Variants in TNFAIP8L3 observed in about 807,000 individuals in gnomAD.
TNFAIP8L3 encodes the protein tumor necrosis factor alpha-induced protein 8-like protein 3.
TNFAIP8L3 carries 7 observed loss-of-function variants against 11.8 expected under a neutral mutation model. The ratio of observed to expected loss-of-function variants is 0.59; its 90% CI spans 0.34 to 1.11. TNFAIP8L3 has a LOEUF of 1.11. Among genes scored for constraint, TNFAIP8L3 ranks in the 50% most tolerant of loss-of-function variants. TNFAIP8L3 has a pLI of 0.03. For missense variants in TNFAIP8L3, 219 were observed against 258.6 expected (o/e 0.85, Z 1.05); for synonymous variants, 98 against 103.8 (o/e 0.94, Z 0.34).
intron 1 of TNFAIP8L3, among the ~76,000 whole-genome samples, chr15:51,090,848 T>C (rs778274132): frequency 5.3e-5 from 8 of 152,154 alleles, no homozygotes; most frequent in Admixed American, 1.3e-4. Flanking sequence ...ATCAGCTTGA[T>C]TGCCCTGGAC....
intron 1 of TNFAIP8L3, among the ~76,000 whole-genome samples, chr15:51,101,342 C>T (rs1013453759): frequency 2.6e-5 from 4 of 152,120 alleles, no homozygotes; most frequent in African/African-American, 4.8e-5. Flanking sequence ...TAAAATAGTG[C>T]GGGGCGTGGT....
chr15:51,088,547 C>T (rs2065445794), intron 1 of TNFAIP8L3, among the ~76,000 whole-genome samples: 1 of 152,170 alleles, frequency 6.6e-6, no homozygotes, highest in South Asian at 2.1e-4. Flanking sequence ...CAGCACCTGG[C>T]ACCACTCTGA....
upstream of TNFAIP8L3, among the ~76,000 whole-genome samples, chr15:51,097,602 C>T (rs890606124): frequency 3.9e-5 from 6 of 152,186 alleles, no homozygotes; most frequent in Admixed American, 2.0e-4. Flanking sequence ...AACAAGGTCT[C>T]GATTCCAATT....
intron 1 of TNFAIP8L3, among the ~76,000 whole-genome samples, chr15:51,083,140 G>C (rs2065404110): frequency 6.6e-6 from 1 of 152,100 alleles, no homozygotes; most frequent in Non-Finnish European, 1.5e-5. Context: ...GAGGCTAGAG[G>C]GGAGTAAGGG....
chr15:51,099,828 C>T (rs1214471007), upstream of TNFAIP8L3, among the ~76,000 whole-genome samples: 1 of 152,200 alleles, frequency 6.6e-6, no homozygotes, highest in East Asian at 1.9e-4. Context: ...CATGAGGTTT[C>T]AGCGGCAACT....
At chr15:51,060,797 G>A (rs1016906244) in intron 1 of TNFAIP8L3, among the ~76,000 whole-genome samples, 2 of 152,170 alleles carry the variant, frequency 1.3e-5, no homozygotes, top group Non-Finnish European at 2.9e-5. Flanking sequence ...ATTCTGCTCT[G>A]GACCAGTTGT....
At chr15:51,069,752 C>G (rs895957927) in intron 1 of TNFAIP8L3, among the ~76,000 whole-genome samples, 7 of 152,326 alleles carry the variant, frequency 4.6e-5, no homozygotes, top group Admixed American at 3.3e-4. Context: ...GATGAGGAAA[C>G]TGAGGCACAG....
chr15:51,097,854 T>TA (rs1555469078), upstream of TNFAIP8L3, among the ~76,000 whole-genome samples: 1 of 151,050 alleles, frequency 6.6e-6, no homozygotes, highest in Non-Finnish European at 1.5e-5. Flanking sequence ...ATATTTCTTG[T>TA]GGGGGGGGAA....
rs2065211981 is a variant in TNFAIP8L3, at chr15:51,057,255, T to G, written c.*626A>C. 6.6e-6 allele frequency: 1 copy of G among 152,210 alleles called. No individual in the cohort carries two copies. Among genetic ancestry groups the G allele is most frequent in the Non-Finnish European group, 1.5e-5 (1 of 68,064 alleles). 9.4% of individuals were successfully genotyped at this position (152,210 alleles called of 1,614,324 possible). ...ACATTTTTCCAATTTGCAGCTATAC[T>G]TTTTCACACCTTTGGATTTCACTTT... On this transcript the variant is annotated 3_prime_UTR_variant, in exon 2 of 2. Transcript: ENST00000637513.
chr15:51,076,601 C>T (rs2065351894), intron 1 of TNFAIP8L3, among the ~76,000 whole-genome samples: 2 of 152,196 alleles, frequency 1.3e-5, no homozygotes, highest in African/African-American at 4.8e-5. Flanking sequence ...AATGGCTGTC[C>T]TGCACAATCA....
intron 1 of TNFAIP8L3, among the ~76,000 whole-genome samples, chr15:51,104,407 C>T (rs1383915354): frequency 6.6e-6 from 1 of 152,228 alleles, no homozygotes; most frequent in African/African-American, 2.4e-5. Flanking sequence ...TCCCCACTCA[C>T]AGGAGAGTCC....
chr15:51,081,729 A>T (rs2065393798), intron 1 of TNFAIP8L3, among the ~76,000 whole-genome samples: 1 of 152,216 alleles, frequency 6.6e-6, no homozygotes. Context: ...CCATTCCCTG[A>T]GTCTCGGCAC....
chr15:51,091,854 CTA>C (rs987302059), intron 1 of TNFAIP8L3, among the ~76,000 whole-genome samples: 17 of 152,148 alleles, frequency 1.1e-4, no homozygotes, highest in African/African-American at 4.1e-4. Context: ...TTTTAAAACA[CTA>C]GAGTTCATTA....
At chr15:51,072,737 A>G (rs1006276193) in intron 1 of TNFAIP8L3, among the ~76,000 whole-genome samples, 8 of 151,978 alleles carry the variant, frequency 5.3e-5, no homozygotes, top group African/African-American at 1.9e-4. Flanking sequence ...TCAGGTTTCT[A>G]TATTGCATAG....
At chr15:51,066,324 G>A (rs565303274) in intron 1 of TNFAIP8L3, among the ~76,000 whole-genome samples, 1 of 152,128 alleles carries the variant, frequency 6.6e-6, no homozygotes, top group Non-Finnish European at 1.5e-5. Flanking sequence ...CACCATGCCT[G>A]GCTAATTTTT....
chr15:51,101,313 G>C (rs1214242387), intron 1 of TNFAIP8L3, among the ~76,000 whole-genome samples: 1 of 152,178 alleles, frequency 6.6e-6, no homozygotes, highest in Non-Finnish European at 1.5e-5. Context: ...TGCATTGCAT[G>C]ATCTCCTTTG....
intron 1 of TNFAIP8L3, among the ~76,000 whole-genome samples, chr15:51,091,466 C>T (rs2065468940): frequency 6.6e-6 from 1 of 152,178 alleles, no homozygotes; most frequent in Admixed American, 6.5e-5. Context: ...ATTGCCTCCT[C>T]TTCTTCCACT....
chr15:51,080,769 C>A (rs1263488435), intron 1 of TNFAIP8L3, among the ~76,000 whole-genome samples: 1 of 152,254 alleles, frequency 6.6e-6, no homozygotes, highest in Non-Finnish European at 1.5e-5. Context: ...AAACAGGTGG[C>A]AGGCCAGATT....
At chr15:51,071,518 C>T (rs1330208450) in intron 1 of TNFAIP8L3, among the ~76,000 whole-genome samples, 1 of 152,200 alleles carries the variant, frequency 6.6e-6, no homozygotes, top group Non-Finnish European at 1.5e-5. Flanking sequence ...TGTCATACTA[C>T]ACAGATCCTT....
Sources: allele counts gnomAD v4.1 joint callset (sites outside exome capture counted in the v4.1 genomes callset), GRCh38; gene constraint gnomAD v4.1.1; transcripts MANE v1.5; gene names NCBI Gene and HGNC (gene_info 2026-07-23, HGNC 2026-07-21).